SLC7A11: variants seen among roughly 807,000 people sequenced by gnomAD.
The protein encoded by SLC7A11 is solute carrier family 7 member 11, also known as cystine/glutamate transporter.
SLC7A11 carries 35 observed loss-of-function variants against 54.5 expected under a neutral mutation model. The ratio of observed to expected loss-of-function variants is 0.64; its 90% CI spans 0.49 to 0.85. The LOEUF (loss-of-function observed/expected upper bound fraction) is 0.85, where lower values mean the gene tolerates loss of function less well. Ranked by LOEUF, SLC7A11 falls within the 40% of genes least tolerant of loss-of-function variation. The pLI, the probability that SLC7A11 is intolerant of heterozygous loss-of-function variation, is 0.00. For synonymous variants in SLC7A11, 230 were observed against 225.2 expected, an observed-to-expected ratio of 1.02 and a Z score of -0.19; for missense variants, 583 against 618.1, an observed-to-expected ratio of 0.94 and a Z score of 0.60.
intron 6 of SLC7A11, among the ~76,000 whole-genome samples, chr4:138,198,975 G>A (rs1344868132): frequency 6.6e-6 from 1 of 152,130 alleles, no homozygotes; most frequent in Non-Finnish European, 1.5e-5. Flanking sequence ...AGCTGGAGTT[G>A]AGCTTGAGAT....
At chr4:138,172,605 T>G (rs1392145457) in intron 11 of SLC7A11, among the ~76,000 whole-genome samples, 1 of 152,192 alleles carries the variant, frequency 6.6e-6, no homozygotes, top group East Asian at 1.9e-4. Flanking sequence ...AGCTCGATCC[T>G]AGACCTACTC....
chr4:138,218,558 T>C (rs6854495), intron 5 of SLC7A11, among the ~76,000 whole-genome samples: 50,936 of 152,084 alleles, frequency 0.33, 9,245 homozygotes, highest in East Asian at 0.47. Context: ...TCTGAACAAA[T>C]AAGGTACAAA....
intron 6 of SLC7A11, among the ~76,000 whole-genome samples, chr4:138,193,476 G>C (rs768960729): frequency 3.9e-5 from 6 of 152,056 alleles, no homozygotes; most frequent in Non-Finnish European, 8.8e-5. Context: ...ATCACTTTGT[G>C]GACCCAATGC....
In SLC7A11 at chr4:138,223,343, A is replaced by G. The variant is rs946797380; in HGVS notation, c.521-19T>C. 1 of 1,611,132 alleles carries G rather than the reference A, an allele frequency of 6.2e-7. No homozygotes were observed. Among genetic ancestry groups the G allele is most frequent in the African/African-American group, 1.3e-5 (1 of 74,900 alleles). ...ACTACAGCTGCAAACAAATAGAGGA[A>G]GTTACAAAAGGTGAATTCTCACTGG... is the stretch of plus-strand genomic sequence containing the variant. On this transcript the variant is annotated intron_variant, in intron 3 of 11. Coordinates refer to ENST00000280612, the MANE Select transcript of SLC7A11 (RefSeq NM_014331.4).
At chr4:138,232,892 TACAG>T (rs1738115337) in intron 2 of SLC7A11, among the ~76,000 whole-genome samples, 1 of 152,164 alleles carries the variant, frequency 6.6e-6, no homozygotes, top group East Asian at 1.9e-4. Context: ...ATTTTTTCTG[TACAG>T]ACAAAAACTC....
intron 6 of SLC7A11, among the ~76,000 whole-genome samples, chr4:138,210,225 G>C (rs187511301): frequency 7.7e-4 from 117 of 151,856 alleles, no homozygotes; most frequent in African/African-American, 2.7e-3. Context: ...CCCTATCTTT[G>C]ATCACATACA....
intron 3 of SLC7A11, among the ~76,000 whole-genome samples, chr4:138,226,014 G>T (rs1220243684): frequency 6.6e-6 from 1 of 152,074 alleles, no homozygotes; most frequent in Non-Finnish European, 1.5e-5. Context: ...AAGAGTATAA[G>T]TACCTAATGT....
chr4:138,225,393 G>C (rs754424607), intron 3 of SLC7A11, among the ~76,000 whole-genome samples: 2 of 151,712 alleles, frequency 1.3e-5, no homozygotes, highest in Non-Finnish European at 2.9e-5. Flanking sequence ...TTATGAGAAT[G>C]ATCAAAAAGG....
In SLC7A11 at chr4:138,189,254, T is replaced by C. The variant is rs572970393; in HGVS notation, c.792-4010A>G. Among the ~76,000 whole-genome samples, 66 of 152,248 alleles carry C rather than the reference T, an allele frequency of 4.3e-4. 1 individual carries two copies. The South Asian group carries it at 6.2e-3, about 14-fold the overall frequency. On this transcript the variant is annotated intron_variant, in intron 6 of 11. Coordinates refer to ENST00000280612, the MANE Select transcript of SLC7A11 (RefSeq NM_014331.4). The stretch of plus-strand genomic sequence containing the variant: ...AATCTACAAAGCACTGGCAAATACA[T>C]CTTATTTTATCTTTAAATATATGCA...
chr4:138,183,308 A>G lies in SLC7A11; in HGVS notation c.916-3T>C, dbSNP rs927157795. 12 of 1,600,862 alleles carry G rather than the reference A, an allele frequency of 7.5e-6. No homozygotes were observed. In the African/African-American group the frequency reaches 1.2e-4, roughly 16 times the overall value. On this transcript the variant is annotated splice_polypyrimidine_tract_variant and splice_region_variant and intron_variant, in intron 7 of 11. Coordinates refer to ENST00000280612, the MANE Select transcript of SLC7A11 (RefSeq NM_014331.4). ...CCCAGTAGCCGCTCAGAAAAGGTCTAGTGAAAGAAAGAACGAAGCAAATTA... is the reference window on the plus strand; with the variant it reads ...CCCAGTAGCCGCTCAGAAAAGGTCTGGTGAAAGAAAGAACGAAGCAAATTA...
intron 6 of SLC7A11, among the ~76,000 whole-genome samples, 186 bp downstream of exon 6, chr4:138,214,393 TTATAAA>T (rs1340929153): frequency 1.3e-5 from 2 of 150,950 alleles, no homozygotes; most frequent in Non-Finnish European, 3.0e-5. Context: ...TTGTATATAA[TTATAAA>T]TATAATTATG....
chr4:138,195,410 TGTTA>T (rs1287208966), intron 6 of SLC7A11, among the ~76,000 whole-genome samples: 1 of 152,198 alleles, frequency 6.6e-6, no homozygotes, highest in Non-Finnish European at 1.5e-5. Flanking sequence ...AATCAATGTT[TGTTA>T]AATATCTTCT....
At chr4:138,204,698 G>C (rs1055832126) in intron 6 of SLC7A11, among the ~76,000 whole-genome samples, 8 of 150,810 alleles carry the variant, frequency 5.3e-5, no homozygotes, top group Non-Finnish European at 7.4e-5. Flanking sequence ...GATGACAATA[G>C]GGGTGTGAGC....
At chr4:138,213,146 C>T (rs553843894) in intron 6 of SLC7A11, among the ~76,000 whole-genome samples, 4 of 152,088 alleles carry the variant, frequency 2.6e-5, no homozygotes, top group African/African-American at 9.6e-5. Context: ...CCAAGTAACG[C>T]TTAGAAAGAA....
Position 138,171,869 on chromosome 4 carries a change from A to C in SLC7A11, c.*87T>G. 1 of 1,510,260 alleles carries C rather than the reference A, an allele frequency of 6.6e-7. No homozygotes were observed. The allele number at this position is 1,510,260 out of a possible 1,614,324, so 93.6% of individuals were successfully genotyped here. On this transcript the variant is annotated 3_prime_UTR_variant, in exon 12 of 12. Coordinates refer to ENST00000280612, the MANE Select transcript of SLC7A11 (RefSeq NM_014331.4). ...TCCTTTTGTTTATCACCAAAGTTGT[A>C]ATTCTCTAGACTTTCAGAAAATGAA...
At chr4:138,208,639 T>TG (rs1289263762) in intron 6 of SLC7A11, among the ~76,000 whole-genome samples, 1 of 152,120 alleles carries the variant, frequency 6.6e-6, no homozygotes, top group East Asian at 1.9e-4. Flanking sequence ...ATGCCATTTT[T>TG]GGGGGGAAAG....
chr4:138,196,902 C>T (rs576676559), intron 6 of SLC7A11, among the ~76,000 whole-genome samples: 72 of 152,264 alleles, frequency 4.7e-4, no homozygotes, highest in Non-Finnish European at 6.6e-4. Flanking sequence ...TCTGGTGATA[C>T]GCCCACCTTG....
rs1736193345 is a variant in SLC7A11 at position 138,164,197 on chromosome 4, G to GTGAC, written c.*7755_*7758dup. 6.6e-6 allele frequency: 1 copy of GTGAC among 152,372 alleles called. No homozygotes were observed. Among genetic ancestry groups the GTGAC allele is most frequent in the African/African-American group, 2.4e-5 (1 of 41,414 alleles). The allele number at this position is 152,372 out of a possible 1,614,324, so 9.4% of individuals were successfully genotyped here. On this transcript the variant is annotated 3_prime_UTR_variant, in exon 12 of 12. Coordinates refer to ENST00000280612, the MANE Select transcript of SLC7A11 (RefSeq NM_014331.4). ...TAAAATGGTTGAAGCAACTAGAAGC[G>GTGAC]TGACAGGTATAATACATATAAATAC... is the stretch of plus-strand genomic sequence containing the variant.
At chr4:138,232,229 T>A in intron 3 of SLC7A11, 38 bp downstream of exon 3, 1 of 1,307,232 alleles carries the variant, frequency 7.6e-7, no homozygotes, top group Non-Finnish European at 1.1e-6. Flanking sequence ...ATTTTTGTGT[T>A]GTTTTTCCTT....
Sources: gnomAD v4.1 joint callset for allele counts (sites outside exome capture counted in the v4.1 genomes callset) on GRCh38, gnomAD v4.1.1 for gene constraint, MANE v1.5 for transcripts, NCBI Gene and HGNC (gene_info 2026-07-23, HGNC 2026-07-21) for gene names.